The following PGF variants were observed in gnomAD, a reference collection of about 807,000 sequenced individuals.
The protein encoded by PGF is placental growth factor, also known as placenta growth factor.
A neutral mutation model predicts 25.3 loss-of-function variants in PGF; 11 were observed. That is an observed-to-expected ratio of 0.43 (90% CI 0.27 to 0.72). The LOEUF (loss-of-function observed/expected upper bound fraction) is 0.72, where lower values mean the gene tolerates loss of function less well. Among genes scored for constraint, PGF ranks in the 30% least tolerant of loss-of-function variants. PGF has a pLI of 0.18. For synonymous variants in PGF, 105 were observed against 97.9 expected (o/e 1.07, Z -0.43); for missense variants, 230 against 234.9 (o/e 0.98, Z 0.14).
intron 6 of PGF, chr14:74,945,581 G>A (rs1367445381): frequency 6.5e-6 from 1 of 152,700 alleles, no homozygotes; most frequent in Non-Finnish European, 1.5e-5. Flanking sequence ...CTGTGCACGT[G>A]AAATATTTTA....
rs1168042517 is a variant in PGF, at chr14:74,944,386, G to A, written c.486-1653C>T. On this transcript the variant is annotated intron_variant, in intron 6 of 6. Coordinates refer to ENST00000555567, the MANE Select transcript of PGF (RefSeq NM_002632.6). ...AAAAGTGCTGGGATTACAGGTGTGA[G>A]CCACCGCGCCTGGCCTGCTTGTTCA... Among the ~76,000 whole-genome samples the A allele has an allele frequency of 2.6e-5, 4 of 152,034 alleles. No homozygotes were observed. The East Asian group carries it at 7.7e-4, about 29-fold the overall frequency.
rs774666360 is a variant in PGF, at chr14:74,953,848, G to A, written c.118+56C>T. ...CGCTTCATGCCACACCTGGGCTTGG[G>A]AGAAAGGAAGAGAGGGGCTTGGGGA... On this transcript the variant is annotated intron_variant, in intron 2 of 6. Coordinates refer to ENST00000555567, the MANE Select transcript of PGF (RefSeq NM_002632.6). The surrounding 1 kb of genome is among the most constrained non-coding windows in gnomAD (Gnocchi z 5.4). 2 of 1,568,364 alleles carry A rather than the reference G, an allele frequency of 1.3e-6. No individual in the cohort carries two copies. Among genetic ancestry groups the A allele is most frequent in the East Asian group, 2.2e-5 (1 of 44,696 alleles).
At position 74,942,625 on chromosome 14, in the gene PGF, G is replaced by A. The variant is rs1412506779; in HGVS notation, c.*81C>T. 3.0e-6 allele frequency: 4 copies of A among 1,334,428 alleles called. No individual in the cohort carries two copies. Among genetic ancestry groups the A allele is most frequent in the Non-Finnish European group, 3.2e-6 (3 of 938,332 alleles). 82.7% of individuals were successfully genotyped at this position (1,334,428 alleles called of 1,614,324 possible). On this transcript the variant is annotated 3_prime_UTR_variant, in exon 7 of 7. Coordinates refer to ENST00000555567, the MANE Select transcript of PGF (RefSeq NM_002632.6). Reference sequence around the variant, plus strand: ...CAGTTGGCTAATAAATAGAGGGCAGGTACCAGCAGGAGTCACTGAAGAGTG... The same window carrying A: ...CAGTTGGCTAATAAATAGAGGGCAGATACCAGCAGGAGTCACTGAAGAGTG...
At chr14:74,951,910 TAC>T (rs1339650105) in intron 2 of PGF, among the ~76,000 whole-genome samples, 3 of 151,110 alleles carry the variant, frequency 2.0e-5, no homozygotes, top group Non-Finnish European at 4.4e-5. Flanking sequence ...GCTGAGGGAG[TAC>T]AGTGACCGCT....
chr14:74,954,322 T>A (rs1340885369), intron 1 of PGF: 3 of 260,224 alleles, frequency 1.2e-5, no homozygotes, highest in African/African-American at 4.4e-5. Flanking sequence ...CAGGGGGAGG[T>A]GATCAGCTGG....
In PGF at chr14:74,942,376, G is replaced by T. The variant is rs1048142657; in HGVS notation, c.*330C>A. The T allele has an allele frequency of 3.1e-6, 1 of 325,596 alleles. No individual in the cohort carries two copies. The highest frequency in any genetic ancestry group is 5.7e-6 in the Non-Finnish European group (1 of 176,886). 20.2% of individuals were successfully genotyped at this position (325,596 alleles called of 1,614,324 possible). A position where few individuals can be genotyped will look rare whatever the true frequency, so the allele number is the denominator to read the frequency against. On this transcript the variant is annotated 3_prime_UTR_variant, in exon 7 of 7. Coordinates refer to ENST00000555567, the MANE Select transcript of PGF (RefSeq NM_002632.6). ...CCTGAGGCCCAAGAACAGGTAGCAG[G>T]GCCCCCTTCTTTCCTTCTGCAGGCC... is the stretch of plus-strand genomic sequence containing the variant.
Position 74,948,593 on chromosome 14 carries a change from G to T in PGF, c.316-10C>A. On this transcript the variant is annotated splice_polypyrimidine_tract_variant and intron_variant, in intron 3 of 6. Transcript: ENST00000555567. ...AACGGATCTTTAGGAGCTGAAGGAA[G>T]AAAGAGTTGATGCCTGGATTGGGGA... is the stretch of plus-strand genomic sequence containing the variant. The T allele has an allele frequency of 6.3e-7, 1 of 1,588,730 alleles. No individual in the cohort carries two copies. The highest frequency in any genetic ancestry group is 8.6e-7 in the Non-Finnish European group (1 of 1,160,214).
chr14:74,954,312 CA>C (rs983746450), intron 1 of PGF: 16 of 269,070 alleles, frequency 5.9e-5, no homozygotes, highest in Admixed American at 5.3e-4. Flanking sequence ...TGCCAGAGCC[CA>C]GGGGGAGGTG....
Position 74,948,247 on chromosome 14 carries a change from C to G in PGF, c.392+260G>C, listed in dbSNP as rs1406109970. 5 of 375,510 alleles carry G rather than the reference C, an allele frequency of 1.3e-5. 1 individual carries two copies. The South Asian group carries it at 3.6e-4, about 27-fold the overall frequency. The allele number at this position is 375,510 out of a possible 1,614,324, so 23.3% of individuals were successfully genotyped here. Reference sequence around the variant, plus strand: ...CCCTGCGAGGCTGGGAGGGACCCACCCTCTCTCTTCCCTTGCAGTATCTCA... The same window carrying G: ...CCCTGCGAGGCTGGGAGGGACCCACGCTCTCTCTTCCCTTGCAGTATCTCA... On this transcript the variant is annotated intron_variant, in intron 4 of 6. Transcript: ENST00000555567.
At chr14:74,954,781 C>T (rs1438785169) in intron 1 of PGF, among the ~76,000 whole-genome samples, 1 of 152,136 alleles carries the variant, frequency 6.6e-6, no homozygotes, top group Non-Finnish European at 1.5e-5. Flanking sequence ...CCTCCGCCAC[C>T]CCCACCAGGC....
chr14:74,948,700 AGGCCCTCACTC>A lies in PGF; in HGVS notation c.316-128_316-118del, dbSNP rs1888801409. On this transcript the variant is annotated intron_variant, in intron 3 of 6. Transcript: ENST00000555567. ...TGTTTCCTGCTAGCCTGTGGACTAC[AGGCCCTCACTC>A]CACTCTGAACGTGGGGCAAACAGCT... is the stretch of plus-strand genomic sequence containing the variant. 1.8e-5 allele frequency: 11 copies of A among 595,434 alleles called. No homozygotes were observed. In the Admixed American group the frequency reaches 3.1e-4, roughly 17 times the overall value. The allele number at this position is 595,434 out of a possible 1,614,324, so 36.9% of individuals were successfully genotyped here.
In PGF at chr14:74,951,884, C is replaced by T. The variant is rs1257958908; in HGVS notation, c.118+2020G>A. 2.6e-5 allele frequency among the ~76,000 whole-genome samples: 4 copies of T among 152,176 alleles called. No individual in the cohort carries two copies. The East Asian group carries it at 5.8e-4, about 22-fold the overall frequency. Reference sequence around the variant, plus strand: ...GGGTGTGTGGGAGAAACAAAAGGGGCTGGGTGAGGGGCCGGGCTGAGGGAG... The same window carrying T: ...GGGTGTGTGGGAGAAACAAAAGGGGTTGGGTGAGGGGCCGGGCTGAGGGAG... On this transcript the variant is annotated intron_variant, in intron 2 of 6. Transcript: ENST00000555567.
At position 74,944,381 on chromosome 14, in the gene PGF, T is replaced by C. The variant is rs61759397; in HGVS notation, c.486-1648A>G. 6.2e-3 allele frequency among the ~76,000 whole-genome samples: 935 copies of C among 151,548 alleles called. 2 individuals carry two copies. Among genetic ancestry groups the C allele is most frequent in the African/African-American group, 0.015 (604 of 41,230 alleles). ...CCTCCAAAAGTGCTGGGATTACAGGTGTGAGCCACCGCGCCTGGCCTGCTT... is the reference window on the plus strand; with the variant it reads ...CCTCCAAAAGTGCTGGGATTACAGGCGTGAGCCACCGCGCCTGGCCTGCTT... On this transcript the variant is annotated intron_variant, in intron 6 of 6. Transcript: ENST00000555567.
At chr14:74,954,081 G>A (rs1888930938) in intron 1 of PGF, 135 bp from the exon 2 acceptor site, 1 of 779,432 alleles carries the variant, frequency 1.3e-6, no homozygotes, top group African/African-American at 1.7e-5. Context: ...CCCTGTCTCA[G>A]AGCAGCCTGA....
rs1461398209 is a variant in PGF at position 74,953,820 on chromosome 14, C to T, written c.118+84G>A. The T allele has an allele frequency of 1.4e-6, 2 of 1,380,432 alleles. No homozygotes were observed. Among genetic ancestry groups the T allele is most frequent in the African/African-American group, 2.8e-5 (2 of 70,448 alleles). The allele number at this position is 1,380,432 out of a possible 1,614,324, so 85.5% of individuals were successfully genotyped here. A position where few individuals can be genotyped will look rare whatever the true frequency, so the allele number is the denominator to read the frequency against. Reference sequence around the variant, plus strand: ...CTCCCCAGCTTTTATCAACCTGCACCCACGCTTCATGCCACACCTGGGCTT... The same window carrying T: ...CTCCCCAGCTTTTATCAACCTGCACTCACGCTTCATGCCACACCTGGGCTT... On this transcript the variant is annotated intron_variant, in intron 2 of 6. Transcript: ENST00000555567. This position sits in a 1 kb window ranked among gnomAD's most constrained non-coding sequence, Gnocchi z 5.4.
chr14:74,942,742 G>A lies in PGF; in HGVS notation c.486-9C>T, dbSNP rs1339159886. ...GAACAGCATCGCCGCACCTGCCAGAGACCAAGCACAGACGGGGCGGGTATC... is the reference window on the plus strand; with the variant it reads ...GAACAGCATCGCCGCACCTGCCAGAAACCAAGCACAGACGGGGCGGGTATC... On this transcript the variant is annotated splice_polypyrimidine_tract_variant and intron_variant, in intron 6 of 6. Coordinates refer to ENST00000555567, the MANE Select transcript of PGF (RefSeq NM_002632.6). 6.2e-7 allele frequency: 1 copy of A among 1,608,956 alleles called. No homozygotes were observed. The highest frequency in any genetic ancestry group is 1.7e-5 in the Admixed American group (1 of 58,910).
rs890781031 is a variant in PGF, at chr14:74,955,165, T to C, written c.75+3A>G. On this transcript the variant is annotated splice_donor_region_variant and intron_variant, in intron 1 of 6. Transcript: ENST00000555567. This position sits in a 1 kb window ranked among gnomAD's most constrained non-coding sequence, Gnocchi z 4.1. ...AGCCAGGCTAGGTGGGGGTAGCTCT[T>C]ACCTGGGGGGGCACAGCAGGCAGCG... 2.1e-6 allele frequency: 3 copies of C among 1,458,454 alleles called. No individual in the cohort carries two copies. The highest frequency in any genetic ancestry group is 2.7e-6 in the Non-Finnish European group (3 of 1,093,596). 90.3% of individuals were successfully genotyped at this position (1,458,454 alleles called of 1,614,324 possible).
rs1566856835 is a variant in PGF at position 74,946,422 on chromosome 14, CAG to C, written c.393-16_393-15del. ...TCCCGCAGAGGCCTAGGGAAACAGA[CAG>C]AGAGAGGGGCAGAGGAACGTTAGGA... On this transcript the variant is annotated splice_polypyrimidine_tract_variant and intron_variant, in intron 4 of 6. Transcript: ENST00000555567. 2 of 1,603,484 alleles carry C rather than the reference CAG, an allele frequency of 1.2e-6. No individual in the cohort carries two copies. Among genetic ancestry groups the C allele is most frequent in the Non-Finnish European group, 8.5e-7 (1 of 1,173,880 alleles).
In PGF at chr14:74,942,467, T is replaced by C. The variant is rs10137936; in HGVS notation, c.*239A>G. 8.3e-3 allele frequency: 4,405 copies of C among 532,560 alleles called. 61 individuals are homozygous for C. Among genetic ancestry groups the C allele is most frequent in the African/African-American group, 0.05 (2,504 of 50,140 alleles). The allele number at this position is 532,560 out of a possible 1,614,324, so 33.0% of individuals were successfully genotyped here. The stretch of plus-strand genomic sequence containing the variant: ...CACGAGGCCACGTGTCTTGCTTCTT[T>C]CAAAGCGGAAGCTCCCAGGGGTCTG... On this transcript the variant is annotated 3_prime_UTR_variant, in exon 7 of 7. Coordinates refer to ENST00000555567, the MANE Select transcript of PGF (RefSeq NM_002632.6).
Sources: allele counts gnomAD v4.1 joint callset (sites outside exome capture counted in the v4.1 genomes callset), GRCh38; gene constraint gnomAD v4.1.1; non-coding constraint Gnocchi (gnomAD v3.1); transcripts MANE v1.5; gene names NCBI Gene and HGNC (gene_info 2026-07-23, HGNC 2026-07-21).